TG: variants seen among roughly 807,000 people sequenced by gnomAD.
The protein encoded by TG is thyroid hormones.
A neutral mutation model predicts 324.7 loss-of-function variants in TG; 270 were observed. The ratio of observed to expected loss-of-function variants is 0.83; its 90% CI spans 0.75 to 0.92. TG has a LOEUF of 0.92. TG is among the 40% of genes least tolerant of loss of function. The probability of loss-of-function intolerance (pLI) is 0.00; values close to 1 mark genes in which losing one functional copy is unlikely to be tolerated. For missense variants in TG, 3,591 were observed against 3,456.4 expected, an observed-to-expected ratio of 1.04 and a Z score of -0.98; for synonymous variants, 1,401 against 1,327.0, an observed-to-expected ratio of 1.06 and a Z score of -1.21.
At chr8:132,895,927 A>C (rs1214935291) in intron 11 of TG, among the ~76,000 whole-genome samples, 1 of 152,226 alleles carries the variant, frequency 6.6e-6, no homozygotes, top group Non-Finnish European at 1.5e-5. Flanking sequence ...TCCGCTTTGC[A>C]TGTCTGAGCT....
chr8:132,985,560 T>C (rs1415289053), intron 35 of TG, among the ~76,000 whole-genome samples: 1 of 152,050 alleles, frequency 6.6e-6, no homozygotes, highest in Non-Finnish European at 1.5e-5. Context: ...GAAACAAGAG[T>C]AAATCATTAT....
intron 41 of TG, among the ~76,000 whole-genome samples, chr8:133,060,800 G>C (rs1255570238): frequency 2.0e-5 from 3 of 152,190 alleles, no homozygotes; most frequent in Non-Finnish European, 4.4e-5. Context: ...CTTGCATCAT[G>C]CTTAAGCCCA....
intron 12 of TG, 144 bp downstream of exon 12, chr8:132,897,930 C>A (rs963030428): frequency 2.9e-5 from 30 of 1,049,862 alleles, no homozygotes; most frequent in Admixed American, 1.4e-4. Context: ...CTTCTCGGGC[C>A]TCCAGTTATC....
chr8:133,094,928 G>A, intron 41 of TG, 116 bp from the exon 42 acceptor site: 3 of 1,434,634 alleles, frequency 2.1e-6, no homozygotes. Flanking sequence ...AATGGGTCCT[G>A]GGACTCCCAA....
In TG at chr8:133,017,974, C is replaced by A. The variant is rs756799842; in HGVS notation, c.6759C>A (p.Gly2253=). Residue 2253 remains glycine, a synonymous_variant, in exon 38 of 48, where the codon GGC becomes GGA. Transcript: ENST00000220616. Reference sequence around the variant, plus strand: ...CACCAGAGCCCTTGAACTGGACAGGCTCCTGGGATGCCAGCAAGCCAAGGT... The same window carrying A: ...CACCAGAGCCCTTGAACTGGACAGGATCCTGGGATGCCAGCAAGCCAAGGT... The part of the protein sequence containing the change: ...FQAPEPLNWT[G]SWDASKPRAS... 1.2e-6 allele frequency: 2 copies of A among 1,614,080 alleles called. No homozygotes were observed. The highest frequency in any genetic ancestry group is 1.7e-6 in the Non-Finnish European group (2 of 1,180,042).
intron 41 of TG, chr8:133,059,276 C>T: frequency 2.7e-6 from 1 of 375,728 alleles, no homozygotes; most frequent in Non-Finnish European, 5.3e-6. Context: ...CCTGGCTTCC[C>T]TAACCGTCCC....
Position 132,869,775 on chromosome 8 carries a change from G to A in TG, c.223G>A (p.Ala75Thr), listed in dbSNP as rs1379009545. 1 of 1,614,156 alleles carries A rather than the reference G, an allele frequency of 6.2e-7. No individual in the cohort carries two copies. The highest frequency in any genetic ancestry group is 2.2e-5 in the East Asian group (1 of 44,878). The change falls in exon 3 of 48, where the codon GCC becomes ACC. Residue 75 changes from alanine to threonine, a missense_variant. Ala to Thr is a moderately conservative substitution (Grantham distance 58). Transcript: ENST00000220616. ...CGGCCGCTCCTGCTGGTGTGTGGGT[G>A]CCAACGGCAGTGAAGTGCTGGGCAG... ...NDGRSCWCVG[A>T]NGSEVLGSRQ...
intron 22 of TG, among the ~76,000 whole-genome samples, chr8:132,927,530 C>G (rs1301581875): frequency 6.6e-6 from 1 of 152,204 alleles, no homozygotes; most frequent in African/African-American, 2.4e-5. Context: ...ATTATACCAA[C>G]AGAATGTATA....
chr8:133,088,594 G>A (rs1458440498), intron 41 of TG, among the ~76,000 whole-genome samples: 1 of 152,096 alleles, frequency 6.6e-6, no homozygotes, highest in Non-Finnish European at 1.5e-5. Flanking sequence ...GCCCTTAGAA[G>A]GTGCCTTATA....
Position 132,908,178 on chromosome 8 carries a change from G to T in TG, c.3848-8G>T, listed in dbSNP as rs192497923. On this transcript the variant is annotated splice_region_variant and splice_polypyrimidine_tract_variant and intron_variant, in intron 17 of 47. Coordinates refer to ENST00000220616, the MANE Select transcript of TG (RefSeq NM_003235.5). ...TTGCCTCTGCTGATCTCTGGTGCTT[G>T]CCTGCAGGGCCCCAGCTGTGGCAGA... 62 of 1,613,702 alleles carry T rather than the reference G, an allele frequency of 3.8e-5. No homozygotes were observed. The African/African-American group carries it at 7.2e-4, about 19-fold the overall frequency.
At chr8:132,903,689 A>G (rs1263533156) in intron 16 of TG, among the ~76,000 whole-genome samples, 1 of 152,146 alleles carries the variant, frequency 6.6e-6, no homozygotes, top group East Asian at 1.9e-4. Flanking sequence ...TGGCGTTAAC[A>G]TGAGACACCC....
chr8:133,076,452 A>C (rs1212587511), intron 41 of TG, among the ~76,000 whole-genome samples: 4 of 152,222 alleles, frequency 2.6e-5, no homozygotes, highest in Non-Finnish European at 5.9e-5. Flanking sequence ...TTGTGAAAAC[A>C]CCCGCTCAAG....
chr8:132,923,999 A>T (rs560264982), intron 22 of TG, among the ~76,000 whole-genome samples: 5 of 152,258 alleles, frequency 3.3e-5, no homozygotes, highest in Non-Finnish European at 7.4e-5. Flanking sequence ...ATTCAAACAC[A>T]TTGCATCTAT....
At chr8:133,125,007 G>A (rs182645761) in intron 45 of TG, among the ~76,000 whole-genome samples, 3 of 152,306 alleles carry the variant, frequency 2.0e-5, no homozygotes, top group Admixed American at 1.3e-4. Context: ...ATTTCCCAGT[G>A]TAGATGAAAA....
chr8:133,078,790 G>T (rs775305239), intron 41 of TG, among the ~76,000 whole-genome samples: 1 of 152,262 alleles, frequency 6.6e-6, no homozygotes, highest in East Asian at 1.9e-4. Flanking sequence ...TGTAAATTTC[G>T]TGTATGTATA....
At chr8:133,134,647 G>C in intron 47 of TG, 29 bp from the exon 48 acceptor site, 4 of 1,604,122 alleles carry the variant, frequency 2.5e-6, no homozygotes, top group Non-Finnish European at 3.4e-6. Flanking sequence ...ATCTGGCTTG[G>C]ACCAACCTTC....
intron 41 of TG, among the ~76,000 whole-genome samples, chr8:133,071,537 T>C (rs1587989370): frequency 6.6e-6 from 1 of 152,128 alleles, no homozygotes; most frequent in Non-Finnish European, 1.5e-5. Context: ...GATAGAGCGG[T>C]GCAATGAGAG....
At chr8:133,105,554 G>A (rs962034131) in intron 43 of TG, among the ~76,000 whole-genome samples, 9 of 152,214 alleles carry the variant, frequency 5.9e-5, no homozygotes, top group South Asian at 2.1e-4. Flanking sequence ...TATGGATGAC[G>A]AAGATAAATT....
intron 35 of TG, among the ~76,000 whole-genome samples, chr8:132,994,130 C>T (rs1832649564): frequency 6.6e-6 from 1 of 152,142 alleles, no homozygotes; most frequent in South Asian, 2.1e-4. Context: ...AGGCAGGACA[C>T]TGTGATGAAA....
Sources: gnomAD v4.1 joint callset for allele counts (sites outside exome capture counted in the v4.1 genomes callset) on GRCh38, gnomAD v4.1.1 for gene constraint, MANE v1.5 for transcripts, NCBI Gene and HGNC (gene_info 2026-07-23, HGNC 2026-07-21) for gene names.